Variants in ROBO2 observed in about 807,000 individuals in gnomAD.
ROBO2 encodes roundabout homolog 2.
In ROBO2, 53 loss-of-function variants were observed where a neutral mutation model predicts 160.8. That is an observed-to-expected ratio of 0.33 (90% confidence interval 0.26 to 0.41). ROBO2 has a LOEUF of 0.41. Ranked by LOEUF, ROBO2 falls within the 10% of genes least tolerant of loss-of-function variation. The probability of loss-of-function intolerance (pLI) is 1.00; values close to 1 mark genes in which losing one functional copy is unlikely to be tolerated. For synonymous variants in ROBO2, 664 were observed against 611.7 expected (o/e 1.09, Z -1.26); for missense variants, 1,577 against 1,722.4 (o/e 0.92, Z 1.49).
intron 2 of ROBO2, among the ~76,000 whole-genome samples, chr3:76,483,871 C>T (rs2079344963): frequency 6.6e-6 from 1 of 152,080 alleles, no homozygotes; most frequent in African/African-American, 2.4e-5. Flanking sequence ...CAGACTCATC[C>T]ATGTCCCTGC....
chr3:76,341,793 AATGGGACGTAAAAAAAGTGAAC>A (rs1311655901), intron 2 of ROBO2, among the ~76,000 whole-genome samples: 2 of 152,160 alleles, frequency 1.3e-5, no homozygotes, highest in Non-Finnish European at 2.9e-5. Flanking sequence ...CCATGTTTAA[AATGGGACGTAAAAAAAGTGAAC>A]ACTTGCAACA....
chr3:76,303,773 A>C (rs2071188491), intron 2 of ROBO2, among the ~76,000 whole-genome samples: 1 of 152,216 alleles, frequency 6.6e-6, no homozygotes, highest in Non-Finnish European at 1.5e-5. Flanking sequence ...GTGTAATATT[A>C]GGAGCTCATT....
chr3:76,200,429 G>T lies in ROBO2; in HGVS notation c.109+262827G>T, dbSNP rs147760326. Among the ~76,000 whole-genome samples the T allele has an allele frequency of 7.1e-3, 1,076 of 152,146 alleles. 7 individuals are homozygous for T. Among genetic ancestry groups the T allele is most frequent in the South Asian group, 0.016 (78 of 4,812 alleles). The stretch of plus-strand genomic sequence containing the variant: ...AAGGAAAGCTCATGCCCTGTTTTTG[G>T]AGCTTTTCCTGAATCCACTGGTTCT... On this transcript the variant is annotated intron_variant, in intron 2 of 26. Coordinates refer to the ROBO2 transcript ENST00000487694.
chr3:76,658,908 T>A (rs1447274715), intron 2 of ROBO2, among the ~76,000 whole-genome samples: 1 of 152,216 alleles, frequency 6.6e-6, no homozygotes, highest in Non-Finnish European at 1.5e-5. Context: ...TTTAGTTTAT[T>A]TTATTTAAGT....
chr3:77,497,045 A>C (rs1382309316), intron 5 of ROBO2, among the ~76,000 whole-genome samples: 2 of 152,110 alleles, frequency 1.3e-5, no homozygotes, highest in Non-Finnish European at 1.5e-5. Flanking sequence ...GTCTAACAAT[A>C]ACCCTTATGC....
intron 2 of ROBO2, among the ~76,000 whole-genome samples, chr3:76,810,058 T>A (rs567580729): frequency 2.3e-4 from 35 of 152,096 alleles, no homozygotes; most frequent in African/African-American, 8.2e-4. Flanking sequence ...GTTCAAAATA[T>A]AGGGAAAATT....
intron 2 of ROBO2, among the ~76,000 whole-genome samples, chr3:77,211,101 C>T (rs1224006065): frequency 6.6e-6 from 1 of 152,200 alleles, no homozygotes; most frequent in Non-Finnish European, 1.5e-5. Flanking sequence ...TGGGTATATA[C>T]CCAGTAATGG....
intron 2 of ROBO2, among the ~76,000 whole-genome samples, chr3:76,116,166 C>T (rs756997050): frequency 7.9e-5 from 12 of 152,068 alleles, no homozygotes; most frequent in Non-Finnish European, 1.6e-4. Flanking sequence ...GTTTGTCAAC[C>T]TGTATGTGCT....
intron 24 of ROBO2, among the ~76,000 whole-genome samples, chr3:77,638,929 C>T (rs138320067): frequency 6.2e-4 from 91 of 145,862 alleles, no homozygotes; most frequent in African/African-American, 2.2e-3. Context: ...CGGGTTCAAG[C>T]GATTCTCCTG....
intron 2 of ROBO2, among the ~76,000 whole-genome samples, chr3:77,003,959 A>G (rs1010018153): frequency 6.6e-6 from 1 of 152,198 alleles, no homozygotes; most frequent in African/African-American, 2.4e-5. Context: ...AGAGGCATTT[A>G]TTATGAACAT....
chr3:77,016,401 A>G (rs2062258442), intron 2 of ROBO2, among the ~76,000 whole-genome samples: 1 of 152,150 alleles, frequency 6.6e-6, no homozygotes, highest in Non-Finnish European at 1.5e-5. Flanking sequence ...AACAAAAACA[A>G]AAATGCTCCA....
chr3:76,021,616 A>G (rs2066576466), intron 2 of ROBO2, among the ~76,000 whole-genome samples: 1 of 151,868 alleles, frequency 6.6e-6, no homozygotes, highest in Admixed American at 6.6e-5. Flanking sequence ...TTGGTTTTCC[A>G]ATGCATAAAA....
At chr3:76,780,888 G>T (rs1357305369) in intron 2 of ROBO2, among the ~76,000 whole-genome samples, 2 of 149,536 alleles carry the variant, frequency 1.3e-5, no homozygotes, top group Admixed American at 6.7e-5. Flanking sequence ...AGAGTGCTTT[G>T]GTTATTCAGT....
chr3:76,379,023 A>G (rs1329653257), intron 2 of ROBO2, among the ~76,000 whole-genome samples: 1 of 152,196 alleles, frequency 6.6e-6, no homozygotes, highest in African/African-American at 2.4e-5. Flanking sequence ...ATGAAAGATC[A>G]TAATATCAGC....
intron 12 of ROBO2, 139 bp downstream of exon 13, chr3:77,565,259 AAGGT>A: frequency 9.8e-7 from 1 of 1,023,680 alleles, no homozygotes; most frequent in Non-Finnish European, 1.5e-6. Context: ...AGGGAAGGAG[AAGGT>A]AGCTTGCTGT....
chr3:77,274,623 A>G (rs1392663184), intron 2 of ROBO2, among the ~76,000 whole-genome samples: 1 of 152,102 alleles, frequency 6.6e-6, no homozygotes, highest in African/African-American at 2.4e-5. Context: ...ATAATCATAG[A>G]GTAGAGATTG....
intron 2 of ROBO2, among the ~76,000 whole-genome samples, chr3:76,520,458 A>C (rs1016443973): frequency 6.6e-6 from 1 of 152,250 alleles, no homozygotes; most frequent in East Asian, 1.9e-4. Context: ...CTCAAAAAAA[A>C]TTTCTAGTAC....
At chr3:77,255,155 A>G (rs2090788494) in intron 2 of ROBO2, among the ~76,000 whole-genome samples, 1 of 152,198 alleles carries the variant, frequency 6.6e-6, no homozygotes, top group African/African-American at 2.4e-5. Context: ...ACCCAGTGAA[A>G]TATGAACTCA....
intron 2 of ROBO2, among the ~76,000 whole-genome samples, chr3:77,011,115 CTTCT>C (rs1218782031): frequency 5.0e-5 from 3 of 60,106 alleles, no homozygotes; most frequent in East Asian, 1.1e-3. Flanking sequence ...TCTTTCTTTC[CTTCT>C]TTCTTTCTTT....
Sources: gnomAD v4.1 joint callset for allele counts (sites outside exome capture counted in the v4.1 genomes callset) on GRCh38, gnomAD v4.1.1 for gene constraint, MANE v1.5 for transcripts, NCBI Gene and HGNC (gene_info 2026-07-23, HGNC 2026-07-21) for gene names.